RANBP1: variants seen among roughly 807,000 people sequenced by gnomAD.
RANBP1 encodes the protein RAN binding protein 1.
In RANBP1, 16 loss-of-function variants were observed where a neutral mutation model predicts 31.4. The observed-to-expected ratio is 0.51, with a 90% CI of 0.34 to 0.77. The LOEUF is 0.77. Among genes scored for constraint, RANBP1 ranks in the 30% least tolerant of loss-of-function variants. RANBP1 has a pLI of 0.01. For synonymous variants in RANBP1, 129 were observed against 140.5 expected (o/e 0.92, Z 0.58); for missense variants, 265 against 362.0 (o/e 0.73, Z 2.17).
chr22:20,116,457 G>C, intron 1 of RANBP1, 27 bp downstream of exon 1: 1 of 1,612,872 alleles, frequency 6.2e-7, no homozygotes, highest in Non-Finnish European at 8.5e-7. Flanking sequence ...TGATGTAGCT[G>C]TAGAGCCCGG....
intron 2 of RANBP1, among the ~76,000 whole-genome samples, chr22:20,119,984 C>T (rs2050139748): frequency 6.6e-6 from 1 of 152,148 alleles, no homozygotes; most frequent in South Asian, 2.1e-4. Flanking sequence ...GTCACAGCAC[C>T]ACAGAGACTG....
intron 2 of RANBP1, chr22:20,119,497 C>G: frequency 8.0e-6 from 2 of 248,530 alleles, no homozygotes; most frequent in Non-Finnish European, 1.6e-5. Flanking sequence ...TCTTTGGCAT[C>G]GTGAAGCTTA....
At chr22:20,118,235 C>T (rs1029777139) in intron 1 of RANBP1, 59 of 1,002,360 alleles carry the variant, frequency 5.9e-5, no homozygotes, top group Admixed American at 1.2e-4. Flanking sequence ...TGAAGAGCAG[C>T]GAAAAGCTTA....
At chr22:20,117,685 G>A (rs2050069309) in intron 1 of RANBP1, 1 of 1,149,116 alleles carries the variant, frequency 8.7e-7, no homozygotes, top group Non-Finnish European at 1.1e-6. Context: ...GCCCAAGCGG[G>A]GACAGGGTGG....
chr22:20,123,587 C>A (rs545547396), intron 3 of RANBP1, among the ~76,000 whole-genome samples: 2 of 151,988 alleles, frequency 1.3e-5, no homozygotes, highest in East Asian at 3.9e-4. Flanking sequence ...GTGTGTTCTA[C>A]CCTCACCAGG....
chr22:20,119,134 A>G lies in RANBP1; in HGVS notation c.368A>G (p.Glu123Gly). 1 of 1,613,062 alleles carries G rather than the reference A, an allele frequency of 6.2e-7. No homozygotes were observed. Among genetic ancestry groups the G allele is most frequent in the South Asian group, 1.1e-5 (1 of 91,056 alleles). ...ATTAAAACACTGGAAGAAGATGAAG[A>G]GGAACTTTTTAAAATGTAAGTAGGC... ...QEIKTLEEDEEELFKMRAKLF... is the reference protein window; with the variant it reads ...QEIKTLEEDEGELFKMRAKLF... Residue 123 changes from glutamate (E) to glycine (G), a missense_variant, in exon 2 of 6, where the codon GAG (glutamate) becomes GGG (glycine). This residue lies in a region of RANBP1 where 90 missense variants were observed against 190.5 expected (regional missense o/e 0.47). Coordinates refer to ENST00000430524, the MANE Select transcript of RANBP1 (RefSeq NM_001278639.2).
At chr22:20,126,484 G>A (rs570432689) in intron 5 of RANBP1, 116 bp downstream of exon 5, 24 of 1,597,614 alleles carry the variant, frequency 1.5e-5, no homozygotes, top group Non-Finnish European at 1.9e-5. Context: ...TGCTGTGGCC[G>A]CCTCACGTAT....
intron 1 of RANBP1, chr22:20,117,196 A>T (rs2050054664): frequency 1.8e-6 from 1 of 540,760 alleles, no homozygotes; most frequent in Non-Finnish European, 3.1e-6. Flanking sequence ...TTAGTCCGCC[A>T]GCGCGTGCGG....
intron 3 of RANBP1, chr22:20,122,670 A>G (rs1485796558): frequency 3.5e-6 from 5 of 1,419,030 alleles, no homozygotes; most frequent in Middle Eastern, 2.0e-4. Flanking sequence ...GGGAGGACGC[A>G]GCGCCCAGGC....
At chr22:20,122,723 CTGTGTGTGTGTGTGTG>C (rs544097533) in intron 3 of RANBP1, 29 of 929,138 alleles carry the variant, frequency 3.1e-5, no homozygotes, top group African/African-American at 1.9e-4. Context: ...CGAGGGGGTG[CTGTGTGTGTGTGTGTG>C]TGTGTGTGTG....
At chr22:20,125,563 G>A (rs2050278026) in intron 4 of RANBP1, 127 bp downstream of exon 4, 1 of 1,533,942 alleles carries the variant, frequency 6.5e-7, no homozygotes, top group Non-Finnish European at 8.7e-7. Flanking sequence ...TGTGTCGTGT[G>A]GGCTGCCCTG....
At chr22:20,118,817 T>G (rs967497843) in intron 1 of RANBP1, among the ~76,000 whole-genome samples, 196 bp from the exon 2 acceptor site, 47 of 152,244 alleles carry the variant, frequency 3.1e-4, no homozygotes, top group African/African-American at 1.1e-3. Flanking sequence ...CACTCTGTGC[T>G]CACATGGAGC....
At chr22:20,117,035 G>C (rs949612403) in intron 1 of RANBP1, 6 of 1,258,228 alleles carry the variant, frequency 4.8e-6, no homozygotes, top group Non-Finnish European at 6.6e-6. Context: ...TCACAGAGCC[G>C]GTGCAACGCC....
At chr22:20,117,361 C>T in intron 1 of RANBP1, 2 of 1,213,530 alleles carry the variant, frequency 1.6e-6, no homozygotes, top group East Asian at 3.8e-5. Flanking sequence ...CTCTGGCTGA[C>T]GGGCGGGCCG....
At position 20,116,132 on chromosome 22, in the gene RANBP1, C is replaced by G. The variant is rs1375486760; in HGVS notation, c.-53C>G. ...GTCCATAGAGGGGTCACCACGTCGG[C>G]CACTCGTGTTACTGGTGGCTCACTC... On this transcript the variant is annotated 5_prime_UTR_variant, in exon 1 of 6. Transcript: ENST00000430524. 6.2e-7 allele frequency: 1 copy of G among 1,612,678 alleles called. No individual in the cohort carries two copies. Among genetic ancestry groups the G allele is most frequent in the African/African-American group, 1.3e-5 (1 of 74,960 alleles).
intron 1 of RANBP1, chr22:20,117,423 A>C: frequency 3.3e-6 from 4 of 1,199,184 alleles, no homozygotes; most frequent in Non-Finnish European, 4.1e-6. Flanking sequence ...CCGGACAATG[A>C]GAGTGTCCGC....
chr22:20,118,245 A>C, intron 1 of RANBP1: 2 of 1,002,430 alleles, frequency 2.0e-6, no homozygotes, highest in Non-Finnish European at 2.4e-6. Context: ...CGAAAAGCTT[A>C]TGTTTTCTTT....
intron 2 of RANBP1, among the ~76,000 whole-genome samples, chr22:20,122,055 T>C (rs990981337): frequency 6.6e-6 from 1 of 152,192 alleles, no homozygotes; most frequent in East Asian, 1.9e-4. Context: ...CTCTTGGTTG[T>C]GGAACCGGAA....
intron 3 of RANBP1, chr22:20,124,503 T>G (rs1052161126): frequency 6.6e-6 from 1 of 152,318 alleles, no homozygotes; most frequent in Non-Finnish European, 1.5e-5. Context: ...TGGGGGTGCA[T>G]GTGGCCTGGA....
Sources: gnomAD v4.1 joint callset for allele counts (sites outside exome capture counted in the v4.1 genomes callset) on GRCh38, gnomAD v4.1.1 for gene constraint, gnomAD v4.1.1 regional missense constraint, MANE v1.5 for transcripts, NCBI Gene and HGNC (gene_info 2026-07-23, HGNC 2026-07-21) for gene names.